Variants in PPP2R5C observed in about 807,000 individuals in gnomAD.
PPP2R5C encodes the protein protein phosphatase 2 regulatory subunit B'gamma.
Under a neutral mutation model 68.9 loss-of-function variants are expected in PPP2R5C, and 7 were observed. The observed-to-expected ratio is 0.10, with a 90% CI of 0.06 to 0.19. The LOEUF (loss-of-function observed/expected upper bound fraction) is 0.19. PPP2R5C is among the 10% of genes least tolerant of loss of function. PPP2R5C has a pLI of 1.00. For missense variants in PPP2R5C, 348 were observed against 641.3 expected (o/e 0.54, Z 4.94); for synonymous variants, 210 against 222.2 (o/e 0.95, Z 0.49).
intron 5 of PPP2R5C, among the ~76,000 whole-genome samples, chr14:101,885,831 A>G (rs76236846): frequency 0.043 from 6,625 of 152,346 alleles, 294 homozygotes; most frequent in African/African-American, 0.12. Context: ...CTATGAAAAC[A>G]TAATATACAT....
intron 1 of PPP2R5C, among the ~76,000 whole-genome samples, chr14:101,853,042 C>T (rs1174050278): frequency 1.3e-5 from 2 of 152,224 alleles, no homozygotes; most frequent in African/African-American, 4.8e-5. Flanking sequence ...AGGTATGAAG[C>T]ATATTCTTCC....
chr14:101,790,807 A>G (rs1183382407), intron 3 of PPP2R5C, among the ~76,000 whole-genome samples: 2 of 152,206 alleles, frequency 1.3e-5, no homozygotes, highest in Non-Finnish European at 2.9e-5. Flanking sequence ...TTGGCTGGGC[A>G]CCGTGGCTCA....
chr14:101,848,641 TGAC>T (rs972675054), intron 1 of PPP2R5C, among the ~76,000 whole-genome samples: 1 of 152,154 alleles, frequency 6.6e-6, no homozygotes, highest in African/African-American at 2.4e-5. Context: ...TCGTCGGTGT[TGAC>T]GCATCTAAAA....
At chr14:101,783,872 C>G (rs1216629423) in intron 2 of PPP2R5C, among the ~76,000 whole-genome samples, 2 of 152,202 alleles carry the variant, frequency 1.3e-5, no homozygotes, top group Non-Finnish European at 2.9e-5. Flanking sequence ...AGGACAGCTC[C>G]TAGGAGCAGC....
intron 1 of PPP2R5C, among the ~76,000 whole-genome samples, chr14:101,855,862 G>C (rs1445074169): frequency 6.6e-6 from 1 of 152,192 alleles, no homozygotes; most frequent in Non-Finnish European, 1.5e-5. Context: ...CTTTCTTTAT[G>C]TCTGTTGTGC....
intron 1 of PPP2R5C, among the ~76,000 whole-genome samples, chr14:101,855,487 A>G (rs1006331136): frequency 1.3e-5 from 2 of 152,232 alleles, no homozygotes; most frequent in African/African-American, 2.4e-5. Flanking sequence ...ATCTGAAACT[A>G]TATCAGTAAA....
chr14:101,851,167 A>G (rs2042135640), intron 1 of PPP2R5C, among the ~76,000 whole-genome samples: 1 of 152,138 alleles, frequency 6.6e-6, no homozygotes, highest in Admixed American at 6.5e-5. Flanking sequence ...ATGGTGGCTC[A>G]CACCCGTCAT....
chr14:101,796,858 C>T (rs1439481638), intron 3 of PPP2R5C: 1 of 270,670 alleles, frequency 3.7e-6, no homozygotes, highest in Non-Finnish European at 7.3e-6. Flanking sequence ...CTCTGCTCCT[C>T]AAGTGTTTCC....
intron 10 of PPP2R5C, among the ~76,000 whole-genome samples, chr14:101,907,717 C>T (rs1353176972): frequency 6.6e-6 from 1 of 152,158 alleles, no homozygotes; most frequent in Non-Finnish European, 1.5e-5. Context: ...TGGCCCGGTG[C>T]GGTCTCCTAA....
rs778696759 is a variant in PPP2R5C at position 101,766,984 on chromosome 14, A to G, written c.93+4014A>G. The G allele has an allele frequency of 2.0e-5, 3 of 152,220 alleles. No homozygotes were observed. In the East Asian group the frequency reaches 5.8e-4, roughly 29 times the overall value. 9.4% of individuals were successfully genotyped at this position (152,220 alleles called of 1,614,324 possible). On this transcript the variant is annotated intron_variant, in intron 2 of 14. Transcript: ENST00000328724. The stretch of plus-strand genomic sequence containing the variant: ...CAATGTTACATTTTTAGAAGTGTTC[A>G]TGCTTTTTGTAAAGTGATTCGTTTT...
chr14:101,765,422 C>G, intron 2 of PPP2R5C: 1 of 602,820 alleles, frequency 1.7e-6, no homozygotes, highest in South Asian at 2.0e-5. Context: ...GTTCCACCCA[C>G]TTACCAAATA....
At position 101,776,872 on chromosome 14, in the gene PPP2R5C, C is replaced by T. The variant is rs114375553; in HGVS notation, c.94-9146C>T. Among the ~76,000 whole-genome samples the T allele has an allele frequency of 4.5e-3, 684 of 151,742 alleles. 4 individuals are homozygous for T. The highest frequency in any genetic ancestry group is 0.016 in the African/African-American group (646 of 41,334). On this transcript the variant is annotated intron_variant, in intron 2 of 14. Transcript: ENST00000328724. ...CATCCATGTTGTAGCGTGCGTCATACCTCATTCCCTTTTTTTTTTTTTTTT... is the reference window on the plus strand; with the variant it reads ...CATCCATGTTGTAGCGTGCGTCATATCTCATTCCCTTTTTTTTTTTTTTTT...
chr14:101,843,841 G>T, intron 1 of PPP2R5C: 1 of 199,132 alleles, frequency 5.0e-6, no homozygotes, highest in Non-Finnish European at 1.0e-5. Flanking sequence ...TCCTGTCTCT[G>T]ACTCTGCATC....
intron 3 of PPP2R5C, among the ~76,000 whole-genome samples, chr14:101,790,742 G>A (rs1041237121): frequency 1.3e-5 from 2 of 152,190 alleles, no homozygotes; most frequent in Admixed American, 1.3e-4. Context: ...TAGATACCTA[G>A]GAGTGGAATT....
chr14:101,856,562 C>T, intron 1 of PPP2R5C, 124 bp from the exon 4 acceptor site: 1 of 862,190 alleles, frequency 1.2e-6, no homozygotes, highest in Non-Finnish European at 1.8e-6. Flanking sequence ...TTGTTTACCC[C>T]ACCCATCTCC....
intron 8 of PPP2R5C, among the ~76,000 whole-genome samples, chr14:101,894,947 T>C (rs2045212180): frequency 6.6e-6 from 1 of 152,214 alleles, no homozygotes; most frequent in Non-Finnish European, 1.5e-5. Flanking sequence ...TTTGAAATTA[T>C]TGTTGTACTA....
chr14:101,894,338 A>G (rs947815424), intron 7 of PPP2R5C, among the ~76,000 whole-genome samples, 169 bp from the exon 10 acceptor site: 1 of 152,200 alleles, frequency 6.6e-6, no homozygotes, highest in African/African-American at 2.4e-5. Flanking sequence ...TTTCTGATCT[A>G]TCACCAATTA....
intron 1 of PPP2R5C, chr14:101,821,010 T>C (rs2040017262): frequency 6.6e-6 from 1 of 151,914 alleles, no homozygotes; most frequent in Admixed American, 6.6e-5. Flanking sequence ...CTTGGAAGTT[T>C]TTCTCGAATG....
At chr14:101,842,550 G>T (rs994929733) in intron 1 of PPP2R5C, among the ~76,000 whole-genome samples, 2 of 152,142 alleles carry the variant, frequency 1.3e-5, no homozygotes, top group African/African-American at 4.8e-5. Context: ...AGGCATGAGG[G>T]TACTGTACTG....
Sources: allele counts gnomAD v4.1 joint callset (sites outside exome capture counted in the v4.1 genomes callset), GRCh38; gene constraint gnomAD v4.1.1; transcripts MANE v1.5; gene names NCBI Gene and HGNC (gene_info 2026-07-23, HGNC 2026-07-21).